ABCA12: variants seen among roughly 807,000 people sequenced by gnomAD.
ABCA12 encodes the protein ATP binding cassette subfamily A member 12, also known as glucosylceramide transporter ABCA12.
Under a neutral mutation model 293.5 loss-of-function variants are expected in ABCA12, and 156 were observed. That is an observed-to-expected ratio of 0.53 (90% CI 0.47 to 0.61). The LOEUF (loss-of-function observed/expected upper bound fraction) is 0.61. Ranked by LOEUF, ABCA12 falls within the 20% of genes least tolerant of loss-of-function variation. The pLI is 0.00. For missense variants in ABCA12, 2,797 were observed against 3,090.2 expected (o/e 0.91, Z 2.25); for synonymous variants, 1,063 against 1,108.0 (o/e 0.96, Z 0.81).
chr2:215,135,325 A>G (rs1167569491), intron 1 of ABCA12, among the ~76,000 whole-genome samples: 1 of 152,148 alleles, frequency 6.6e-6, no homozygotes, highest in Non-Finnish European at 1.5e-5. Context: ...TATTTTTACT[A>G]TATCTTTGTT....
chr2:215,015,861 G>A (rs1221824989), intron 14 of ABCA12, among the ~76,000 whole-genome samples, 198 bp from the exon 15 acceptor site: 1 of 152,118 alleles, frequency 6.6e-6, no homozygotes, highest in African/African-American at 2.4e-5. Context: ...AATAAGATGG[G>A]AGGCCGGGCG....
At chr2:214,992,228 G>A (rs1327540530) in intron 23 of ABCA12, among the ~76,000 whole-genome samples, 1 of 151,474 alleles carries the variant, frequency 6.6e-6, no homozygotes, top group Non-Finnish European at 1.5e-5. Context: ...AGATCACGAG[G>A]TCAGGAGACA....
chr2:215,001,421 G>A (rs897899505), intron 21 of ABCA12, 137 bp downstream of exon 21: 6 of 1,034,780 alleles, frequency 5.8e-6, no homozygotes, highest in South Asian at 2.7e-5. Flanking sequence ...TACATGAAAG[G>A]TTCTCTTTTC....
intron 30 of ABCA12, 33 bp from the exon 31 acceptor site, chr2:214,980,676 A>C: frequency 6.2e-7 from 1 of 1,613,568 alleles, no homozygotes; most frequent in Non-Finnish European, 8.5e-7. Context: ...ACAGGGAATG[A>C]AACGTGAAAG....
intron 39 of ABCA12, among the ~76,000 whole-genome samples, chr2:214,964,162 G>A (rs1699194595): frequency 6.6e-6 from 1 of 152,060 alleles, no homozygotes. Flanking sequence ...ACGCGGATAA[G>A]GCATTTGATA....
At chr2:214,982,097 C>T (rs1699680111) in intron 30 of ABCA12, 90 bp downstream of exon 30, 3 of 1,359,458 alleles carry the variant, frequency 2.2e-6, no homozygotes, top group African/African-American at 1.4e-5. Context: ...TAGGCGTGAG[C>T]CACTGCACCC....
chr2:215,016,440 G>C (rs554939158), intron 14 of ABCA12, among the ~76,000 whole-genome samples: 2 of 150,672 alleles, frequency 1.3e-5, no homozygotes, highest in African/African-American at 4.9e-5. Flanking sequence ...AAAATTAGCC[G>C]GGCGTGGTGG....
Position 215,018,068 on chromosome 2 carries a change from TC to T in ABCA12, c.1721del (p.Gly574GlufsTer41). 1 of 1,614,154 alleles carries T rather than the reference TC, an allele frequency of 6.2e-7. No individual in the cohort carries two copies. The highest frequency in any genetic ancestry group is 8.5e-7 in the Non-Finnish European group (1 of 1,180,014). ...ACTTGTCAATAGTCCTGTTGGACATTCCTGTTGTTCTCCTTAAATCTTCTTT... is the reference window on the plus strand; with the variant it reads ...ACTTGTCAATAGTCCTGTTGGACATTCTGTTGTTCTCCTTAAATCTTCTTT... ...ELKEDLRRTT[G>X]MSNRTIDKLL... On this transcript the variant is annotated frameshift_variant, in exon 14 of 53. Coordinates refer to ENST00000272895, the MANE Select transcript of ABCA12 (RefSeq NM_173076.3). LOFTEE classifies it high-confidence loss of function.
intron 2 of ABCA12, among the ~76,000 whole-genome samples, chr2:215,087,681 C>A (rs1023171904): frequency 8.5e-5 from 13 of 152,094 alleles, no homozygotes; most frequent in Non-Finnish European, 1.8e-4. Context: ...TGGTGGCAGA[C>A]AGTAGAGTGA....
chr2:214,954,113 A>C lies in ABCA12; in HGVS notation c.6394-6T>G. 1 of 1,612,988 alleles carries C rather than the reference A, an allele frequency of 6.2e-7. No individual in the cohort carries two copies. Among genetic ancestry groups the C allele is most frequent in the Non-Finnish European group, 8.5e-7 (1 of 1,179,886 alleles). ...TCAGAAATAAGTTCTAAAGTCTGAA[A>C]TAAGAGAAATAAAAATAAAACTCAG... is the stretch of plus-strand genomic sequence containing the variant. On this transcript the variant is annotated splice_polypyrimidine_tract_variant and splice_region_variant and intron_variant, in intron 43 of 52. Transcript: ENST00000272895.
At chr2:215,020,434 G>T (rs1055003221) in intron 11 of ABCA12, among the ~76,000 whole-genome samples, 4 of 152,078 alleles carry the variant, frequency 2.6e-5, no homozygotes, top group African/African-American at 9.7e-5. Flanking sequence ...AAAGGTGAAT[G>T]GTCTAATACT....
At chr2:215,033,759 G>A (rs924702034) in intron 8 of ABCA12, among the ~76,000 whole-genome samples, 3 of 151,940 alleles carry the variant, frequency 2.0e-5, no homozygotes, top group Non-Finnish European at 4.4e-5. Flanking sequence ...GGCTAACACG[G>A]TGACACCCCG....
At chr2:214,954,921 A>G (rs559324611) in intron 43 of ABCA12, among the ~76,000 whole-genome samples, 2 of 152,336 alleles carry the variant, frequency 1.3e-5, no homozygotes, top group African/African-American at 4.8e-5. Flanking sequence ...TTAGCTGACC[A>G]ATGGTTGCGT....
At chr2:215,110,781 A>G (rs1215169994) in intron 2 of ABCA12, among the ~76,000 whole-genome samples, 2 of 152,230 alleles carry the variant, frequency 1.3e-5, no homozygotes, top group African/African-American at 4.8e-5. Flanking sequence ...TACATAGCAA[A>G]TTACCATAAT....
intron 11 of ABCA12, 73 bp downstream of exon 11, chr2:215,025,600 G>GTT (rs5838479): frequency 0.08 from 60,009 of 754,270 alleles, 5 homozygotes; most frequent in South Asian, 0.094. Flanking sequence ...AAGTGTTAAG[G>GTT]TTTTTTTTTT....
intron 42 of ABCA12, among the ~76,000 whole-genome samples, chr2:214,956,139 T>C (rs1229499536): frequency 6.6e-6 from 1 of 152,198 alleles, no homozygotes; most frequent in East Asian, 1.9e-4. Flanking sequence ...TAAGGGTTAC[T>C]ACCATGTATT....
chr2:215,070,136 C>T (rs181001762), intron 2 of ABCA12, among the ~76,000 whole-genome samples: 90 of 141,748 alleles, frequency 6.3e-4, no homozygotes, highest in African/African-American at 2.3e-3. Flanking sequence ...GTAAAATAGA[C>T]AGATTTAAAT....
At chr2:215,034,958 A>C (rs77945075) in intron 8 of ABCA12, among the ~76,000 whole-genome samples, 40 of 152,168 alleles carry the variant, frequency 2.6e-4, no homozygotes, top group African/African-American at 8.2e-4. Context: ...AGAGTAAAAA[A>C]CCAAGGGAGA....
chr2:214,978,279 AT>A (rs763464374), intron 33 of ABCA12, 36 bp downstream of exon 33: 62 of 1,612,080 alleles, frequency 3.8e-5, no homozygotes, highest in Non-Finnish European at 4.9e-5. Flanking sequence ...TATGTCATCC[AT>A]TGGAATTAAA....
Sources: allele counts gnomAD v4.1 joint callset (sites outside exome capture counted in the v4.1 genomes callset), GRCh38; gene constraint gnomAD v4.1.1; transcripts MANE v1.5; gene names NCBI Gene and HGNC (gene_info 2026-07-23, HGNC 2026-07-21).